PPP6R3: variants seen among roughly 807,000 people sequenced by gnomAD.
PPP6R3 encodes protein phosphatase 6 regulatory subunit 3.
In PPP6R3, 38 loss-of-function variants were observed where a neutral mutation model predicts 110.7. The ratio of observed to expected loss-of-function variants is 0.34; its 90% CI spans 0.26 to 0.45. The LOEUF is 0.45. Among genes scored for constraint, PPP6R3 ranks in the 20% least tolerant of loss-of-function variants. The probability of loss-of-function intolerance (pLI) is 1.00; values close to 1 mark genes in which losing one functional copy is unlikely to be tolerated. For missense variants in PPP6R3, 870 were observed against 1,062.4 expected, an observed-to-expected ratio of 0.82 and a Z score of 2.52; for synonymous variants, 369 against 373.5, an observed-to-expected ratio of 0.99 and a Z score of 0.14.
At chr11:68,609,801 C>A in intron 22 of PPP6R3, 103 bp from the exon 23 acceptor site, 1 of 1,577,952 alleles carries the variant, frequency 6.3e-7, no homozygotes. Context: ...TTTGCCTCCG[C>A]GGCAGTCATG....
intron 1 of PPP6R3, among the ~76,000 whole-genome samples, chr11:68,511,232 A>C (rs67101048): frequency 6.6e-6 from 1 of 151,126 alleles, no homozygotes; most frequent in Non-Finnish European, 1.5e-5. Flanking sequence ...ACGTCCGGCT[A>C]ATTTTTGTAT....
At chr11:68,461,205 CCGCCCGGCCCG>C (rs907300222) in intron 1 of PPP6R3, among the ~76,000 whole-genome samples, 44 of 151,514 alleles carry the variant, frequency 2.9e-4, no homozygotes, top group African/African-American at 1.0e-3. Flanking sequence ...GTCTCGCCCC[CCGCCCGGCCCG>C]CGCCCGGTCT....
intron 8 of PPP6R3, among the ~76,000 whole-genome samples, chr11:68,559,342 T>G (rs933722121): frequency 6.6e-6 from 1 of 152,280 alleles, no homozygotes; most frequent in Non-Finnish European, 1.5e-5. Context: ...GCAGATTTAC[T>G]CATTATCAGA....
chr11:68,536,378 C>T (rs541213132), intron 2 of PPP6R3, among the ~76,000 whole-genome samples: 1 of 151,940 alleles, frequency 6.6e-6, no homozygotes, highest in Non-Finnish European at 1.5e-5. Flanking sequence ...GCCTCAGCCT[C>T]CTTAGTAGCT....
At chr11:68,529,412 T>G (rs1181374496) in intron 2 of PPP6R3, among the ~76,000 whole-genome samples, 1 of 152,008 alleles carries the variant, frequency 6.6e-6, no homozygotes, top group African/African-American at 2.4e-5. Flanking sequence ...AGAGATGGAG[T>G]TTCACCATCT....
intron 1 of PPP6R3, among the ~76,000 whole-genome samples, chr11:68,466,674 G>A (rs1316337594): frequency 2.0e-5 from 3 of 151,704 alleles, no homozygotes; most frequent in Non-Finnish European, 2.9e-5. Flanking sequence ...GTGCAGTGGC[G>A]CTATCTCGGC....
chr11:68,479,083 TA>T, intron 1 of PPP6R3, among the ~76,000 whole-genome samples: 1 of 152,254 alleles, frequency 6.6e-6, no homozygotes, highest in Admixed American at 6.5e-5. Context: ...TAGACATCAC[TA>T]TTGTTCCTGA....
At chr11:68,557,389 G>A (rs541859335) in intron 7 of PPP6R3, among the ~76,000 whole-genome samples, 42 of 152,334 alleles carry the variant, frequency 2.8e-4, no homozygotes, top group African/African-American at 1.0e-3. Context: ...GGTGATCAAG[G>A]AACTGGTGTA....
intron 8 of PPP6R3, among the ~76,000 whole-genome samples, chr11:68,562,998 T>C (rs1158192383): frequency 6.6e-6 from 1 of 151,898 alleles, no homozygotes; most frequent in Non-Finnish European, 1.5e-5. Context: ...GAGAAAAGAC[T>C]TACATCCAGG....
At chr11:68,504,130 CATCAGTGGTGGCCTGGTTAA>C (rs2099062837) in intron 1 of PPP6R3, among the ~76,000 whole-genome samples, 1 of 152,188 alleles carries the variant, frequency 6.6e-6, no homozygotes, top group Admixed American at 6.5e-5. Context: ...ACTAAATGGT[CATCAGTGGTGGCCTGGTTAA>C]ATCAGCAGTA....
intron 8 of PPP6R3, among the ~76,000 whole-genome samples, chr11:68,562,206 GAGAAA>G (rs2099427985): frequency 6.6e-6 from 1 of 152,158 alleles, no homozygotes; most frequent in South Asian, 2.1e-4. Flanking sequence ...TTATAGCATA[GAGAAA>G]AGAAAATACT....
At position 68,508,121 on chromosome 11, in the gene PPP6R3, C is replaced by CTTT. The variant is rs748376581; in HGVS notation, c.-157-11357_-157-11355dup. Among the ~76,000 whole-genome samples, 434 of 77,588 alleles carry CTTT rather than the reference C, an allele frequency of 5.6e-3. 1 individual carries two copies. The highest frequency in any genetic ancestry group is 6.2e-3 in the Non-Finnish European group (279 of 45,342). 50.9% of individuals were successfully genotyped at this position (77,588 alleles called of 152,430 possible). ...CCCCGGCCTAAGTGAGTTTTTTGGCCTTTTTTTTTTTTTTTTTTTTTTTTT... is the reference window on the plus strand; with the variant it reads ...CCCCGGCCTAAGTGAGTTTTTTGGCCTTTTTTTTTTTTTTTTTTTTTTTTTTTT... On this transcript the variant is annotated intron_variant, in intron 1 of 23. Transcript: ENST00000393800.
intron 1 of PPP6R3, among the ~76,000 whole-genome samples, chr11:68,466,231 T>G (rs1349392319): frequency 6.6e-6 from 1 of 152,186 alleles, no homozygotes; most frequent in Non-Finnish European, 1.5e-5. Flanking sequence ...AAGCCCCCTT[T>G]CCTACTTCTC....
At chr11:68,593,239 A>G (rs1333656112) in intron 18 of PPP6R3, among the ~76,000 whole-genome samples, 3 of 151,818 alleles carry the variant, frequency 2.0e-5, no homozygotes, top group South Asian at 4.2e-4. Context: ...ATTAGTTTGC[A>G]TTTTCTAGAG....
chr11:68,527,096 A>C (rs556171308), intron 2 of PPP6R3, among the ~76,000 whole-genome samples: 139 of 152,358 alleles, frequency 9.1e-4, no homozygotes, highest in African/African-American at 3.0e-3. Context: ...AGAATTCTAA[A>C]GGCAAGTATA....
At chr11:68,580,670 G>C (rs1225733245) in intron 14 of PPP6R3, among the ~76,000 whole-genome samples, 1 of 148,988 alleles carries the variant, frequency 6.7e-6, no homozygotes, top group Non-Finnish European at 1.5e-5. Flanking sequence ...TGTAGATCAG[G>C]AATTCAGTTT....
chr11:68,614,783 C>T lies in PPP6R3; in HGVS notation c.*1666C>T, dbSNP rs1213392350. 3.3e-6 allele frequency: 5 copies of T among 1,536,080 alleles called. No individual in the cohort carries two copies. Among genetic ancestry groups the T allele is most frequent in the Admixed American group, 2.0e-5 (1 of 50,844 alleles). ...TCTGAAGAGACTGTCCTTGGGCCTCCTCTGGAAGCAGCACCCCCAGAGGAC... is the reference window on the plus strand; with the variant it reads ...TCTGAAGAGACTGTCCTTGGGCCTCTTCTGGAAGCAGCACCCCCAGAGGAC... On this transcript the variant is annotated 3_prime_UTR_variant, in exon 24 of 24. Transcript: ENST00000393800.
At chr11:68,507,632 C>T (rs1051368520) in intron 1 of PPP6R3, among the ~76,000 whole-genome samples, 1 of 152,086 alleles carries the variant, frequency 6.6e-6, no homozygotes, top group Non-Finnish European at 1.5e-5. Flanking sequence ...CTTTAGAAAA[C>T]GTGTGAGGGT....
intron 15 of PPP6R3, chr11:68,587,169 T>C: frequency 7.7e-6 from 1 of 130,656 alleles, no homozygotes; most frequent in Non-Finnish European, 1.7e-5. Flanking sequence ...CTGGGGTCCA[T>C]TATAACACCC....
Sources: gnomAD v4.1 joint callset for allele counts (sites outside exome capture counted in the v4.1 genomes callset) on GRCh38, gnomAD v4.1.1 for gene constraint, MANE v1.5 for transcripts, NCBI Gene and HGNC (gene_info 2026-07-23, HGNC 2026-07-21) for gene names.